LDAH: variants seen among roughly 807,000 people sequenced by gnomAD.
The protein encoded by LDAH is lipid droplet-associated hydrolase.
Under a neutral mutation model 29.6 loss-of-function variants are expected in LDAH, and 26 were observed. The ratio of observed to expected loss-of-function variants is 0.88; its 90% CI spans 0.64 to 1.22. The LOEUF (loss-of-function observed/expected upper bound fraction) is 1.22, where lower values mean the gene tolerates loss of function less well. Ranked by LOEUF, LDAH falls within the 50% of genes most tolerant of loss-of-function variation. LDAH has a pLI of 0.00. For missense variants in LDAH, 344 were observed against 387.3 expected (o/e 0.89, Z 0.94); for synonymous variants, 117 against 133.0 (o/e 0.88, Z 0.83).
intron 1 of LDAH, among the ~76,000 whole-genome samples, chr2:20,803,542 CCTT>C (rs1462232034): frequency 5.3e-5 from 8 of 152,212 alleles, no homozygotes; most frequent in Non-Finnish European, 1.2e-4. Context: ...TGCTCCAACT[CCTT>C]CTACTAACTA....
intron 1 of LDAH, among the ~76,000 whole-genome samples, chr2:20,814,471 T>C (rs1330377581): frequency 1.3e-5 from 2 of 152,144 alleles, no homozygotes; most frequent in African/African-American, 4.8e-5. Context: ...ATTTTTATTA[T>C]TATTTTTGAG....
At chr2:20,785,188 T>C (rs1670464113) in intron 3 of LDAH, among the ~76,000 whole-genome samples, 1 of 152,236 alleles carries the variant, frequency 6.6e-6, no homozygotes, top group South Asian at 2.1e-4. Flanking sequence ...TCTCTATCGC[T>C]TTCCCTTCCC....
chr2:20,803,163 G>C (rs1671822159), intron 1 of LDAH, among the ~76,000 whole-genome samples: 1 of 152,154 alleles, frequency 6.6e-6, no homozygotes, highest in Non-Finnish European at 1.5e-5. Context: ...ACACAGGACA[G>C]CTCCCCACAA....
At chr2:20,796,069 A>G (rs1671288626) in intron 2 of LDAH, among the ~76,000 whole-genome samples, 1 of 152,106 alleles carries the variant, frequency 6.6e-6, no homozygotes, top group African/African-American at 2.4e-5. Flanking sequence ...TGAAAATGTC[A>G]AAGCACTATA....
intron 2 of LDAH, among the ~76,000 whole-genome samples, chr2:20,799,739 T>C (rs1013128207): frequency 3.3e-5 from 5 of 152,180 alleles, no homozygotes; most frequent in African/African-American, 1.2e-4. Flanking sequence ...AGATCAATTT[T>C]AGGAAAGTTG....
At chr2:20,755,533 G>A (rs909450329) in intron 4 of LDAH, among the ~76,000 whole-genome samples, 3 of 152,134 alleles carry the variant, frequency 2.0e-5, no homozygotes, top group African/African-American at 7.2e-5. Flanking sequence ...GACCATAACA[G>A]GTGCCAGTAA....
At chr2:20,753,450 C>T (rs1422311782) in intron 4 of LDAH, among the ~76,000 whole-genome samples, 1 of 152,202 alleles carries the variant, frequency 6.6e-6, no homozygotes, top group African/African-American at 2.4e-5. Flanking sequence ...TCAAAAAGTA[C>T]ACATCTATAT....
At chr2:20,756,268 C>T (rs1330577182) in intron 4 of LDAH, among the ~76,000 whole-genome samples, 1 of 152,064 alleles carries the variant, frequency 6.6e-6, no homozygotes, top group East Asian at 1.9e-4. Context: ...CTCCTGACCT[C>T]AGGTGATCCA....
At chr2:20,799,896 G>GC (rs1365833220) in intron 2 of LDAH, among the ~76,000 whole-genome samples, 8 of 152,206 alleles carry the variant, frequency 5.3e-5, no homozygotes, top group Non-Finnish European at 1.0e-4. Flanking sequence ...TCATAAAACT[G>GC]CATTTATTAA....
At chr2:20,744,412 C>T (rs567142152) in intron 4 of LDAH, among the ~76,000 whole-genome samples, 1 of 152,114 alleles carries the variant, frequency 6.6e-6, no homozygotes, top group Non-Finnish European at 1.5e-5. Flanking sequence ...AAGCATATGC[C>T]TCTGGTGTAC....
At chr2:20,696,079 A>T (rs1232590935) in intron 6 of LDAH, among the ~76,000 whole-genome samples, 2 of 152,174 alleles carry the variant, frequency 1.3e-5, no homozygotes, top group African/African-American at 4.8e-5. Context: ...TTTCAGGATG[A>T]TTATGACATT....
intron 3 of LDAH, among the ~76,000 whole-genome samples, chr2:20,789,584 C>T (rs966349652): frequency 1.3e-5 from 2 of 152,116 alleles, no homozygotes; most frequent in South Asian, 2.1e-4. Flanking sequence ...TAGCAGGCCA[C>T]GGTTTATCAC....
chr2:20,709,849 C>A (rs1338349459), intron 5 of LDAH, among the ~76,000 whole-genome samples: 1 of 152,088 alleles, frequency 6.6e-6, no homozygotes, highest in Non-Finnish European at 1.5e-5. Flanking sequence ...ACATGCTAAA[C>A]CATGAAAAAA....
At chr2:20,695,343 G>C (rs999294575) in intron 6 of LDAH, among the ~76,000 whole-genome samples, 3 of 152,176 alleles carry the variant, frequency 2.0e-5, no homozygotes, top group African/African-American at 7.2e-5. Flanking sequence ...AAGAGGAACA[G>C]TTAGGCAAAT....
rs551837353 is a variant in LDAH, at chr2:20,800,826, G to A, written c.154+484C>T. On this transcript the variant is annotated intron_variant, in intron 2 of 6. Coordinates refer to ENST00000237822, the MANE Select transcript of LDAH (RefSeq NM_021925.4). ...TTTTTTGTTTTTTAGTAGAGATGGG[G>A]TTTCACCATGTTAGCCAGGATGGTC... 2.6e-5 allele frequency among the ~76,000 whole-genome samples: 4 copies of A among 152,028 alleles called. No homozygotes were observed. The East Asian group carries it at 7.7e-4, about 29-fold the overall frequency.
At chr2:20,705,780 G>C (rs915276062) in intron 5 of LDAH, among the ~76,000 whole-genome samples, 3 of 152,146 alleles carry the variant, frequency 2.0e-5, no homozygotes, top group Admixed American at 2.0e-4. Flanking sequence ...CAAGAACTTA[G>C]TGAAAAATAA....
chr2:20,683,457 G>A (rs906012439), downstream of LDAH, among the ~76,000 whole-genome samples: 2 of 152,188 alleles, frequency 1.3e-5, no homozygotes, highest in Non-Finnish European at 2.9e-5. Flanking sequence ...ATATATCCTT[G>A]CCTCTTCTCT....
At chr2:20,726,004 C>T (rs934371158) in intron 5 of LDAH, among the ~76,000 whole-genome samples, 3 of 152,326 alleles carry the variant, frequency 2.0e-5, no homozygotes, top group African/African-American at 7.2e-5. Flanking sequence ...TTTCTTGGCA[C>T]ATGAGAAAAA....
At chr2:20,762,103 T>C (rs1421097405) in intron 4 of LDAH, among the ~76,000 whole-genome samples, 1 of 152,148 alleles carries the variant, frequency 6.6e-6, no homozygotes, top group Non-Finnish European at 1.5e-5. Flanking sequence ...TTAACTTTTA[T>C]GTATTATAAT....
Sources: gnomAD v4.1 joint callset for allele counts (sites outside exome capture counted in the v4.1 genomes callset) on GRCh38, gnomAD v4.1.1 for gene constraint, MANE v1.5 for transcripts, NCBI Gene and HGNC (gene_info 2026-07-23, HGNC 2026-07-21) for gene names.